ARHGAP10: variants seen among roughly 807,000 people sequenced by gnomAD.
ARHGAP10 encodes the protein rho GTPase-activating protein 10.
A neutral mutation model predicts 108.6 loss-of-function variants in ARHGAP10; 87 were observed. That is an observed-to-expected ratio of 0.80 (90% CI 0.67 to 0.96). The LOEUF is 0.96. Ranked by LOEUF, ARHGAP10 falls within the 40% of genes least tolerant of loss-of-function variation. The pLI is 0.00. For synonymous variants in ARHGAP10, 347 were observed against 341.1 expected (o/e 1.02, Z -0.19); for missense variants, 939 against 954.5 (o/e 0.98, Z 0.21).
intron 3 of ARHGAP10, among the ~76,000 whole-genome samples, chr4:147,832,157 C>A (rs991187657): frequency 1.3e-5 from 2 of 151,988 alleles, no homozygotes; most frequent in Non-Finnish European, 2.9e-5. Flanking sequence ...ATTGTCTAAT[C>A]CAGAGGAGTG....
chr4:147,784,533 CAT>C (rs200445508), intron 1 of ARHGAP10, among the ~76,000 whole-genome samples: 99,213 of 115,646 alleles, frequency 0.86, 43,574 homozygotes, highest in East Asian at 0.95. Flanking sequence ...TAATATAAAA[CAT>C]ATATTTTATA....
intron 1 of ARHGAP10, among the ~76,000 whole-genome samples, chr4:147,741,878 G>A (rs1044032516): frequency 2.0e-5 from 3 of 151,562 alleles, no homozygotes; most frequent in African/African-American, 7.3e-5. Context: ...CTCTGAGATG[G>A]ACTGGAGTCA....
chr4:148,014,751 C>T (rs1741287019), intron 18 of ARHGAP10, among the ~76,000 whole-genome samples: 1 of 150,142 alleles, frequency 6.7e-6, no homozygotes, highest in Non-Finnish European at 1.5e-5. Context: ...ATGCAAAAAC[C>T]AAAGTCTGCT....
chr4:147,984,876 C>T (rs992224835), intron 18 of ARHGAP10, among the ~76,000 whole-genome samples: 1 of 152,226 alleles, frequency 6.6e-6, no homozygotes, highest in African/African-American at 2.4e-5. Context: ...GAGCGCCCTG[C>T]TCCAACCTGG....
At chr4:148,002,241 C>T (rs1740750460) in intron 18 of ARHGAP10, among the ~76,000 whole-genome samples, 1 of 152,184 alleles carries the variant, frequency 6.6e-6, no homozygotes, top group Admixed American at 6.5e-5. Context: ...GTTGAACCAG[C>T]CTTGCATCCC....
At chr4:148,003,258 G>A (rs1054110326) in intron 18 of ARHGAP10, among the ~76,000 whole-genome samples, 1 of 152,166 alleles carries the variant, frequency 6.6e-6, no homozygotes. Context: ...GTTCTAGTTT[G>A]CTTGCACTGT....
At chr4:147,909,896 G>T in intron 12 of ARHGAP10, 119 bp downstream of exon 12, 1 of 928,502 alleles carries the variant, frequency 1.1e-6, no homozygotes, top group South Asian at 1.6e-5. Context: ...TAGACAGAGG[G>T]GTATTACACG....
intron 18 of ARHGAP10, among the ~76,000 whole-genome samples, chr4:147,967,723 C>G (rs1164695912): frequency 6.6e-6 from 1 of 151,968 alleles, no homozygotes; most frequent in Non-Finnish European, 1.5e-5. Flanking sequence ...GACCAGATAG[C>G]CCGCAAGGCA....
chr4:147,958,537 C>T (rs1738872902), intron 16 of ARHGAP10, among the ~76,000 whole-genome samples: 1 of 152,116 alleles, frequency 6.6e-6, no homozygotes, highest in South Asian at 2.1e-4. Flanking sequence ...GGAAGCAAGA[C>T]AAAAATCATG....
intron 1 of ARHGAP10, among the ~76,000 whole-genome samples, chr4:147,817,954 C>G (rs1265738110): frequency 6.6e-6 from 1 of 152,112 alleles, no homozygotes; most frequent in African/African-American, 2.4e-5. Flanking sequence ...TGGTTTCACA[C>G]CAGTTGAGAT....
intron 13 of ARHGAP10, among the ~76,000 whole-genome samples, chr4:147,933,752 G>A (rs926156423): frequency 6.6e-6 from 1 of 152,188 alleles, no homozygotes; most frequent in African/African-American, 2.4e-5. Context: ...GCAGGTCTCT[G>A]CATGGGTGGG....
At position 147,784,835 on chromosome 4, in the gene ARHGAP10, TATTATAAAATATATATTATA is replaced by T. The variant is rs1220884244; in HGVS notation, c.155-37890_155-37871del. Reference sequence around the variant, plus strand: ...TATTATAAAATATATATTATAAATATATTATAAAATATATATTATAAATATATTATAAAATATATATTATA... The same window carrying T: ...TATTATAAAATATATATTATAAATATAATATATTATAAAATATATATTATA... On this transcript the variant is annotated intron_variant, in intron 1 of 22. Transcript: ENST00000336498. 4.6e-4 allele frequency among the ~76,000 whole-genome samples: 46 copies of T among 100,178 alleles called. 1 individual carries two copies. The highest frequency in any genetic ancestry group is 1.8e-3 in the African/African-American group (45 of 25,462). The allele number at this position is 100,178 out of a possible 152,430, so 65.7% of individuals were successfully genotyped here.
chr4:147,807,034 G>A (rs2126767068), intron 1 of ARHGAP10, among the ~76,000 whole-genome samples: 1 of 152,330 alleles, frequency 6.6e-6, no homozygotes, highest in East Asian at 1.9e-4. Flanking sequence ...TAACAGCCCA[G>A]TGCCATTTAG....
chr4:148,030,121 A>C lies in ARHGAP10; in HGVS notation c.1867+6708A>C, dbSNP rs551536220. Reference sequence around the variant, plus strand: ...TCCCCCTTTCTGTGGAGGAGGAAAAAAAAAAAGCTTATTTAATGCCTTTAA... The same window carrying C: ...TCCCCCTTTCTGTGGAGGAGGAAAACAAAAAAGCTTATTTAATGCCTTTAA... On this transcript the variant is annotated intron_variant, in intron 19 of 22. Transcript: ENST00000336498. Among the ~76,000 whole-genome samples, 18 of 152,212 alleles carry C rather than the reference A, an allele frequency of 1.2e-4. No individual in the cohort carries two copies. The East Asian group carries it at 3.3e-3, about 28-fold the overall frequency.
In ARHGAP10 at chr4:147,870,360, C is replaced by T. The variant is rs117207188; in HGVS notation, c.702+3544C>T. Among the ~76,000 whole-genome samples, 176 of 152,206 alleles carry T rather than the reference C, an allele frequency of 1.2e-3. 3 individuals carry two copies. In the East Asian group the frequency reaches 0.019, roughly 16 times the overall value. On this transcript the variant is annotated intron_variant, in intron 7 of 22. Transcript: ENST00000336498. ...ACAGGCGTGAGCCACCGCGCCCGGC[C>T]GCATATATGTATTTTAGGAAACATA...
At chr4:147,788,450 A>G (rs1730984011) in intron 1 of ARHGAP10, among the ~76,000 whole-genome samples, 1 of 152,060 alleles carries the variant, frequency 6.6e-6, no homozygotes, top group Non-Finnish European at 1.5e-5. Flanking sequence ...CCTTCTCAAA[A>G]AGAAAAAAAA....
chr4:147,912,645 CTTTTTTTTTT>C (rs70958594), intron 12 of ARHGAP10, among the ~76,000 whole-genome samples: 2 of 35,302 alleles, frequency 5.7e-5, no homozygotes, highest in South Asian at 1.8e-3. Flanking sequence ...TAGCCTTAAG[CTTTTTTTTTT>C]TTTTTTTTTT....
At chr4:147,854,704 CAAT>C in intron 4 of ARHGAP10, 1 of 983,750 alleles carries the variant, frequency 1.0e-6, no homozygotes, top group Non-Finnish European at 1.2e-6. Context: ...CACAAAGAAA[CAAT>C]AATACTCTAT....
chr4:147,995,329 C>T (rs907908537), intron 18 of ARHGAP10, among the ~76,000 whole-genome samples: 2 of 152,098 alleles, frequency 1.3e-5, no homozygotes, highest in Non-Finnish European at 2.9e-5. Flanking sequence ...CACACAGTAC[C>T]TCCAAAGTCT....
Sources: gnomAD v4.1 joint callset for allele counts (sites outside exome capture counted in the v4.1 genomes callset) on GRCh38, gnomAD v4.1.1 for gene constraint, MANE v1.5 for transcripts, NCBI Gene and HGNC (gene_info 2026-07-23, HGNC 2026-07-21) for gene names.